The following SEMA6D variants were observed in gnomAD, a reference collection of about 807,000 sequenced individuals.
SEMA6D encodes the protein semaphorin 6D, also known as semaphorin-6D.
In SEMA6D, 35 loss-of-function variants were observed where a neutral mutation model predicts 106.6. The observed-to-expected ratio is 0.33, with a 90% CI of 0.25 to 0.44. The LOEUF (loss-of-function observed/expected upper bound fraction) is 0.44, where lower values mean the gene tolerates loss of function less well. Among genes scored for constraint, SEMA6D ranks in the 20% least tolerant of loss-of-function variants. The pLI, the probability that SEMA6D is intolerant of heterozygous loss-of-function variation, is 1.00. For missense variants in SEMA6D, 1,185 were observed against 1,345.9 expected, an observed-to-expected ratio of 0.88 and a Z score of 1.87; for synonymous variants, 499 against 487.7, an observed-to-expected ratio of 1.02 and a Z score of -0.31.
intron 1 of SEMA6D, among the ~76,000 whole-genome samples, chr15:47,311,833 C>G (rs993477276): frequency 6.6e-6 from 1 of 152,146 alleles, no homozygotes; most frequent in Non-Finnish European, 1.5e-5. Flanking sequence ...ATGAGGCAAA[C>G]CAAATGTCTG....
chr15:47,358,743 G>A (rs964297622), intron 1 of SEMA6D, among the ~76,000 whole-genome samples: 3 of 152,218 alleles, frequency 2.0e-5, no homozygotes, highest in Admixed American at 1.3e-4. Context: ...CAGTGCCAGC[G>A]GAAAGCTCTG....
chr15:47,658,292 T>G (rs891980045), intron 4 of SEMA6D, among the ~76,000 whole-genome samples: 1 of 152,192 alleles, frequency 6.6e-6, no homozygotes, highest in Non-Finnish European at 1.5e-5. Context: ...GGCTAAACTA[T>G]TCTTGCTTTC....
intron 2 of SEMA6D, among the ~76,000 whole-genome samples, chr15:47,418,356 A>G (rs1207159746): frequency 1.3e-5 from 2 of 152,124 alleles, no homozygotes; most frequent in African/African-American, 4.8e-5. Context: ...TCATGCTGCT[A>G]TACTGGGTGG....
At chr15:47,212,034 A>G (rs1210107523) in intron 1 of SEMA6D, among the ~76,000 whole-genome samples, 1 of 152,142 alleles carries the variant, frequency 6.6e-6, no homozygotes, top group African/African-American at 2.4e-5. Context: ...GGAGGCCAGG[A>G]TGGACTGAGA....
chr15:47,674,817 C>T (rs2078210530), intron 4 of SEMA6D, among the ~76,000 whole-genome samples: 1 of 152,146 alleles, frequency 6.6e-6, no homozygotes, highest in Non-Finnish European at 1.5e-5. Flanking sequence ...GGAACTGACA[C>T]CATTTTGCAG....
At chr15:47,380,901 T>G (rs2039617758) in intron 1 of SEMA6D, among the ~76,000 whole-genome samples, 1 of 152,192 alleles carries the variant, frequency 6.6e-6, no homozygotes, top group South Asian at 2.1e-4. Flanking sequence ...CTCTAGAGCT[T>G]CCAGTCAAAA....
chr15:47,598,108 A>G (rs1018874511), intron 3 of SEMA6D, among the ~76,000 whole-genome samples: 2 of 152,030 alleles, frequency 1.3e-5, no homozygotes, highest in African/African-American at 4.8e-5. Flanking sequence ...ATTATACTGT[A>G]AAGCATCCAG....
chr15:47,646,893 G>T (rs1340351197), intron 4 of SEMA6D, among the ~76,000 whole-genome samples: 1 of 152,160 alleles, frequency 6.6e-6, no homozygotes, highest in Non-Finnish European at 1.5e-5. Context: ...GATTTTCAGA[G>T]ACTAAAAAAG....
chr15:47,203,506 A>G (rs1166092183), intron 1 of SEMA6D, among the ~76,000 whole-genome samples: 1 of 152,064 alleles, frequency 6.6e-6, no homozygotes, highest in African/African-American at 2.4e-5. Context: ...ACAACCTTTA[A>G]CCTTTGTTCC....
chr15:47,772,762 T>C lies in SEMA6D; in HGVS notation c.*977T>C, dbSNP rs1229361255. On this transcript the variant is annotated 3_prime_UTR_variant, in exon 19 of 19. Transcript: ENST00000536845. ...AAAGCCTGAGTCACTCTATTTAACC[T>C]TGGACACACTAATAAGGTTTTATTT... 1.3e-5 allele frequency: 2 copies of C among 151,332 alleles called. No individual in the cohort carries two copies. The highest frequency in any genetic ancestry group is 4.2e-4 in the South Asian group (2 of 4,764). 9.4% of individuals were successfully genotyped at this position (151,332 alleles called of 1,614,324 possible). A position where few individuals can be genotyped will look rare whatever the true frequency, so the allele number is the denominator to read the frequency against.
At chr15:47,653,560 T>G (rs1286640624) in intron 4 of SEMA6D, among the ~76,000 whole-genome samples, 1 of 152,230 alleles carries the variant, frequency 6.6e-6, no homozygotes, top group Non-Finnish European at 1.5e-5. Flanking sequence ...AGCTTAGTGG[T>G]TCTCTAGGAG....
chr15:47,321,021 A>G, intron 1 of SEMA6D, among the ~76,000 whole-genome samples: 1 of 152,190 alleles, frequency 6.6e-6, no homozygotes, highest in East Asian at 1.9e-4. Context: ...TGATACTTAT[A>G]TACACTGTGA....
chr15:47,269,358 A>C (rs2034457705), intron 1 of SEMA6D, among the ~76,000 whole-genome samples: 1 of 152,012 alleles, frequency 6.6e-6, no homozygotes, highest in African/African-American at 2.4e-5. Context: ...ATAACAATGT[A>C]GCTCATTAAA....
At chr15:47,759,376 T>TG (rs1374402465) in intron 1 of SEMA6D, among the ~76,000 whole-genome samples, 2 of 152,128 alleles carry the variant, frequency 1.3e-5, no homozygotes, top group African/African-American at 4.8e-5. Flanking sequence ...ATTTCAGGAC[T>TG]GGGGGAAGGG....
At chr15:47,695,639 A>G (rs934821746) in intron 4 of SEMA6D, among the ~76,000 whole-genome samples, 1 of 152,168 alleles carries the variant, frequency 6.6e-6, no homozygotes, top group South Asian at 2.1e-4. Flanking sequence ...AAAATTTCCA[A>G]AGAAATAGAA....
At chr15:47,227,243 G>T (rs368627603) in intron 1 of SEMA6D, among the ~76,000 whole-genome samples, 6 of 151,886 alleles carry the variant, frequency 4.0e-5, no homozygotes, top group Non-Finnish European at 8.8e-5. Context: ...GCTTAGAAAA[G>T]CTCCTACTTC....
At chr15:47,428,996 G>A (rs1047813689) in intron 2 of SEMA6D, among the ~76,000 whole-genome samples, 1 of 151,696 alleles carries the variant, frequency 6.6e-6, no homozygotes, top group African/African-American at 2.4e-5. Context: ...AGAAGAAAGG[G>A]AGGGAGGGAG....
rs372982741 is a variant in SEMA6D at position 47,768,604 on chromosome 15, G to C, written c.1789G>C (p.Val597Leu). 7.4e-6 allele frequency: 12 copies of C among 1,612,114 alleles called. No homozygotes were observed. The African/African-American group carries it at 1.6e-4, about 22-fold the overall frequency. Residue 597 changes from valine to leucine, a missense_variant, in exon 18 of 19, where the codon GTT becomes CTT. Physicochemically the swap from Val to Leu is conservative, Grantham distance 32. Coordinates refer to ENST00000536845, the MANE Select transcript of SEMA6D (RefSeq NM_001358351.3). ...TSDMEVSSSS[V>L]TTMASIPEIT... ...AGACATGGAGGTATCTTCATCTTCT[G>C]TTACCACAATGGCAAGTATCCCAGA...
intron 4 of SEMA6D, among the ~76,000 whole-genome samples, chr15:47,608,999 A>C (rs570693203): frequency 6.6e-6 from 1 of 152,234 alleles, no homozygotes; most frequent in Non-Finnish European, 1.5e-5. Context: ...ATTTATAGAA[A>C]ACATTATAGG....
Sources: allele counts gnomAD v4.1 joint callset (sites outside exome capture counted in the v4.1 genomes callset), GRCh38; gene constraint gnomAD v4.1.1; transcripts MANE v1.5; gene names NCBI Gene and HGNC (gene_info 2026-07-23, HGNC 2026-07-21).